Variants in EHF observed in about 807,000 individuals in gnomAD.
The protein encoded by EHF is ETS homologous factor.
In EHF, 14 loss-of-function variants were observed where a neutral mutation model predicts 45.1. That is an observed-to-expected ratio of 0.31 (90% confidence interval 0.21 to 0.49). The LOEUF (loss-of-function observed/expected upper bound fraction) is 0.49. Among genes scored for constraint, EHF ranks in the 20% least tolerant of loss-of-function variants. The pLI, the probability that EHF is intolerant of heterozygous loss-of-function variation, is 0.99. For missense variants in EHF, 282 were observed against 371.4 expected (o/e 0.76, Z 1.98); for synonymous variants, 136 against 131.8 (o/e 1.03, Z -0.22).
chr11:34,638,956 A>G (rs1321694168), intron 1 of EHF, among the ~76,000 whole-genome samples: 1 of 152,226 alleles, frequency 6.6e-6, no homozygotes, highest in Non-Finnish European at 1.5e-5. Flanking sequence ...AAGAAGGGAA[A>G]GGAAACTGAT....
intron 1 of EHF, among the ~76,000 whole-genome samples, chr11:34,635,492 C>A (rs115861434): frequency 0.058 from 5,838 of 100,412 alleles, 229 homozygotes; most frequent in Middle Eastern, 0.2. Context: ...ACTCTTTTTG[C>A]CCAGGCTGGA....
intron 1 of EHF, among the ~76,000 whole-genome samples, chr11:34,638,873 A>G (rs1334168804): frequency 6.6e-6 from 1 of 152,190 alleles, no homozygotes; most frequent in Non-Finnish European, 1.5e-5. Flanking sequence ...ATTCTCACTT[A>G]GGCTCTGAAC....
rs985234324 is a variant in EHF, at chr11:34,662,700, G to A, written c.*3769G>A. On this transcript the variant is annotated 3_prime_UTR_variant, in exon 9 of 9. Transcript: ENST00000257831. Reference sequence around the variant, plus strand: ...ATCAAGTATAGAAAAAGGTAAAACAGTTAAGAAGGAAGGCAATTATATTAT... The same window carrying A: ...ATCAAGTATAGAAAAAGGTAAAACAATTAAGAAGGAAGGCAATTATATTAT... Among the ~76,000 whole-genome samples, 1 of 152,142 alleles carries A rather than the reference G, an allele frequency of 6.6e-6. No homozygotes were observed. Among genetic ancestry groups the A allele is most frequent in the African/African-American group, 2.4e-5 (1 of 41,442 alleles).
At chr11:34,626,110 C>T (rs1215352687) in intron 1 of EHF, among the ~76,000 whole-genome samples, 1 of 152,184 alleles carries the variant, frequency 6.6e-6, no homozygotes, top group Non-Finnish European at 1.5e-5. Flanking sequence ...GTCTCAATGT[C>T]CTTTTTCTTT....
chr11:34,657,020 GCAC>G (rs1855739042), intron 7 of EHF, 50 bp downstream of exon 7: 1 of 1,605,640 alleles, frequency 6.2e-7, no homozygotes, highest in East Asian at 2.3e-5. Flanking sequence ...ATCACATCGG[GCAC>G]ATCTGGAGGC....
chr11:34,645,677 G>A (rs780266510), intron 2 of EHF, among the ~76,000 whole-genome samples: 3 of 152,200 alleles, frequency 2.0e-5, no homozygotes, highest in South Asian at 4.1e-4. Flanking sequence ...GTCAGAGTTC[G>A]AAAGATGGGT....
chr11:34,655,178 G>A (rs1855545355), intron 6 of EHF, among the ~76,000 whole-genome samples: 1 of 152,124 alleles, frequency 6.6e-6, no homozygotes, highest in African/African-American at 2.4e-5. Flanking sequence ...CCCTGCTAGT[G>A]ACAATGCCAG....
rs1855994330 is a variant in EHF at position 34,660,110 on chromosome 11, C to T, written c.*1179C>T. 1.3e-5 allele frequency: 2 copies of T among 152,090 alleles called. No homozygotes were observed. The highest frequency in any genetic ancestry group is 4.8e-5 in the African/African-American group (2 of 41,416). 9.4% of individuals were successfully genotyped at this position (152,090 alleles called of 1,614,324 possible). On this transcript the variant is annotated 3_prime_UTR_variant, in exon 9 of 9. Coordinates refer to ENST00000257831, the MANE Select transcript of EHF (RefSeq NM_012153.6). ...AGCAAAAGCAAGACTTCAACCTCAA[C>T]CTATCTTTATGTTTTAAATGTTAGG... is the stretch of plus-strand genomic sequence containing the variant.
At chr11:34,657,630 A>G (rs1855789683) in intron 7 of EHF, among the ~76,000 whole-genome samples, 1 of 151,938 alleles carries the variant, frequency 6.6e-6, no homozygotes, top group Non-Finnish European at 1.5e-5. Flanking sequence ...CTCTACAAAA[A>G]AATACAAAAA....
At chr11:34,650,323 C>T (rs1855020474) in intron 4 of EHF, among the ~76,000 whole-genome samples, 1 of 152,172 alleles carries the variant, frequency 6.6e-6, no homozygotes, top group Non-Finnish European at 1.5e-5. Flanking sequence ...CCAACACCCC[C>T]ATACCTCTTT....
chr11:34,654,005 C>T (rs191685016), intron 6 of EHF, among the ~76,000 whole-genome samples: 1 of 152,310 alleles, frequency 6.6e-6, no homozygotes, highest in African/African-American at 2.4e-5. Context: ...CATGCCAGCT[C>T]GGGCTTGATG....
At chr11:34,632,956 C>T (rs1260871891) in intron 1 of EHF, among the ~76,000 whole-genome samples, 5 of 152,102 alleles carry the variant, frequency 3.3e-5, no homozygotes, top group African/African-American at 7.2e-5. Flanking sequence ...GTAATAGTTT[C>T]TTTCTGCTGA....
At chr11:34,621,682 G>A (rs1334218548) in intron 1 of EHF, among the ~76,000 whole-genome samples, 2 of 152,174 alleles carry the variant, frequency 1.3e-5, no homozygotes, top group African/African-American at 4.8e-5. Context: ...TGACTTATGA[G>A]CTACATGGAA....
intron 1 of EHF, among the ~76,000 whole-genome samples, chr11:34,631,361 CTG>C (rs1450036714): frequency 6.6e-6 from 1 of 152,206 alleles, no homozygotes; most frequent in Non-Finnish European, 1.5e-5. Context: ...CTCCCTCTGA[CTG>C]TGTGTGCTGA....
intron 1 of EHF, among the ~76,000 whole-genome samples, chr11:34,623,707 G>A (rs1483468027): frequency 6.6e-6 from 1 of 152,178 alleles, no homozygotes; most frequent in African/African-American, 2.4e-5. Flanking sequence ...GTTCACTTCT[G>A]AGGAAGTAGA....
At chr11:34,648,321 CAG>C (rs1386044741) in intron 3 of EHF, among the ~76,000 whole-genome samples, 1 of 151,722 alleles carries the variant, frequency 6.6e-6, no homozygotes, top group Admixed American at 6.6e-5. Flanking sequence ...GGGAAGAAAA[CAG>C]ACTAGATTCA....
chr11:34,652,836 G>A (rs1329869488), intron 6 of EHF, among the ~76,000 whole-genome samples: 1 of 152,222 alleles, frequency 6.6e-6, no homozygotes, highest in Non-Finnish European at 1.5e-5. Flanking sequence ...GATGGGGCTG[G>A]GAGCCAATGT....
chr11:34,656,189 A>G (rs1855653148), intron 6 of EHF, among the ~76,000 whole-genome samples: 1 of 152,130 alleles, frequency 6.6e-6, no homozygotes, highest in Admixed American at 6.5e-5. Flanking sequence ...CTTTGGTAAT[A>G]GTCGCAGAGG....
chr11:34,632,151 C>A (rs552728124), intron 1 of EHF, among the ~76,000 whole-genome samples: 1 of 152,328 alleles, frequency 6.6e-6, no homozygotes, highest in African/African-American at 2.4e-5. Flanking sequence ...CATGAACACT[C>A]AGTCAAACCA....
Sources: allele counts gnomAD v4.1 joint callset (sites outside exome capture counted in the v4.1 genomes callset), GRCh38; gene constraint gnomAD v4.1.1; transcripts MANE v1.5; gene names NCBI Gene and HGNC (gene_info 2026-07-23, HGNC 2026-07-21).